The following GDF6 variants were observed in gnomAD, a reference collection of about 807,000 sequenced individuals.
GDF6 encodes growth differentiation factor 6.
Under a neutral mutation model 32.4 loss-of-function variants are expected in GDF6, and 3 were observed. The ratio of observed to expected loss-of-function variants is 0.09; its 90% confidence interval spans 0.04 to 0.24. GDF6 has a LOEUF of 0.24. Among genes scored for constraint, GDF6 ranks in the 10% least tolerant of loss-of-function variants. The pLI is 1.00. For missense variants in GDF6, 589 were observed against 637.9 expected (o/e 0.92, Z 0.83); for synonymous variants, 296 against 295.3 (o/e 1.00, Z -0.03).
At chr8:96,154,962 G>A (rs1488125414) in intron 1 of GDF6, among the ~76,000 whole-genome samples, 2 of 152,176 alleles carry the variant, frequency 1.3e-5, no homozygotes, top group Admixed American at 6.5e-5. Context: ...GGGTCCAGGT[G>A]ACACGCATCC....
chr8:96,153,905 A>G (rs1812613664), intron 1 of GDF6, among the ~76,000 whole-genome samples: 1 of 152,074 alleles, frequency 6.6e-6, no homozygotes, highest in African/African-American at 2.4e-5. Flanking sequence ...GTGTTCATTT[A>G]GGTCTGACTT....
chr8:96,153,444 TC>T, intron 1 of GDF6, among the ~76,000 whole-genome samples: 1 of 152,220 alleles, frequency 6.6e-6, no homozygotes, highest in Non-Finnish European at 1.5e-5. Flanking sequence ...CGCTGAGCCC[TC>T]CCTCCCCATC....
chr8:96,145,401 C>A lies in GDF6; in HGVS notation c.530G>T (p.Trp177Leu). 6.3e-7 allele frequency: 1 copy of A among 1,582,220 alleles called. No individual in the cohort carries two copies. Among genetic ancestry groups the A allele is most frequent in the East Asian group, 2.3e-5 (1 of 44,364 alleles). Residue 177 changes from tryptophan to leucine, a missense_variant, in exon 2 of 2, where the codon TGG (tryptophan) becomes TTG (leucine). Physicochemically the swap from Trp to Leu is moderately conservative, Grantham distance 61. Coordinates refer to ENST00000287020, the MANE Select transcript of GDF6 (RefSeq NM_001001557.4). The surrounding 1 kb of genome is among the most constrained non-coding windows in gnomAD (Gnocchi z 5.6). ...RLFRQAPSAP[W>L]GPPAGPLHVQ... The stretch of plus-strand genomic sequence containing the variant: ...GTGGAGCGGCCCGGCTGGTGGCCCC[C>A]AGGGCGCTGAGGGCGCCTGGCGAAA...
chr8:96,157,399 A>G (rs1264826764), intron 1 of GDF6, among the ~76,000 whole-genome samples: 2 of 152,036 alleles, frequency 1.3e-5, no homozygotes, highest in Non-Finnish European at 2.9e-5. Context: ...TTTCCGGGGT[A>G]AGGAAGGCTT....
chr8:96,154,101 G>A (rs1414628395), intron 1 of GDF6, among the ~76,000 whole-genome samples: 1 of 152,076 alleles, frequency 6.6e-6, no homozygotes, highest in African/African-American at 2.4e-5. Context: ...ATTAAGGGAT[G>A]CCCTCTGCAC....
intron 1 of GDF6, among the ~76,000 whole-genome samples, chr8:96,151,129 A>G (rs897233511): frequency 2.0e-5 from 3 of 152,350 alleles, no homozygotes; most frequent in South Asian, 4.1e-4. Flanking sequence ...ATCCTGAGTC[A>G]GGCCTCTGTT....
chr8:96,144,781 C>T lies in GDF6; in HGVS notation c.1150G>A (p.Glu384Lys), dbSNP rs1812442574. The T allele has an allele frequency of 4.3e-6, 7 of 1,614,136 alleles. No homozygotes were observed. Among genetic ancestry groups the T allele is most frequent in the Non-Finnish European group, 5.9e-6 (7 of 1,180,024 alleles). The change falls in exon 2 of 2, where the codon GAG (glutamate) becomes AAG (lysine). Residue 384 changes from glutamate to lysine, a missense_variant. Physicochemically the swap from Glu to Lys is moderately conservative, Grantham distance 56. Transcript: ENST00000287020. This position sits in a 1 kb window ranked among gnomAD's most constrained non-coding sequence, Gnocchi z 5.1. The stretch of plus-strand genomic sequence containing the variant: ...CGCAGCGGGAAGTCGCATACACCCT[C>T]GCAGTGATAGGCCTCGTACTCCAGG... The part of the protein sequence containing the change: ...APLEYEAYHC[E>K]GVCDFPLRSH...
intron 1 of GDF6, 105 bp downstream of exon 1, chr8:96,160,182 G>A: frequency 8.8e-7 from 1 of 1,130,306 alleles, no homozygotes. Flanking sequence ...AAAAGGAAGT[G>A]TCCAGAGCAG....
In GDF6 at chr8:96,142,680, T is replaced by C. The variant is rs1812392658; in HGVS notation, c.*1883A>G. The stretch of plus-strand genomic sequence containing the variant: ...AATTGCATGCTGTCCATTTCCTCTT[T>C]GCACTTTCAGTCACCTTAAATAAAC... On this transcript the variant is annotated 3_prime_UTR_variant, in exon 2 of 2. Coordinates refer to ENST00000287020, the MANE Select transcript of GDF6 (RefSeq NM_001001557.4). 6.5e-6 allele frequency: 1 copy of C among 152,684 alleles called. No individual in the cohort carries two copies. Among genetic ancestry groups the C allele is most frequent in the Non-Finnish European group, 1.5e-5 (1 of 68,046 alleles). The allele number at this position is 152,684 out of a possible 1,614,324, so 9.5% of individuals were successfully genotyped here.
chr8:96,158,093 G>A (rs894601395), intron 1 of GDF6, among the ~76,000 whole-genome samples: 15 of 152,192 alleles, frequency 9.9e-5, no homozygotes, highest in African/African-American at 3.6e-4. Flanking sequence ...AGGAGACAGC[G>A]CCTTTGAAGA....
At position 96,160,478 on chromosome 8, in the gene GDF6, T is replaced by A. The variant is rs543473222; in HGVS notation, c.215A>T (p.Gln72Leu). The change falls in exon 1 of 2, where the codon CAG becomes CTG. Residue 72 changes from glutamine (Q) to leucine (L), a missense_variant. Transcript: ENST00000287020. ...GGGCTGCTGAGCCCGGGGTTCGTCC[T>A]GAGGCCGCGGCTGTGGTTCCTGGCC... ...REGQEPQPRP[Q>L]DEPRAQQPRA... The A allele has an allele frequency of 3.1e-6, 5 of 1,612,712 alleles. No homozygotes were observed. Among genetic ancestry groups the A allele is most frequent in the Non-Finnish European group, 4.2e-6 (5 of 1,179,354 alleles).
At chr8:96,155,392 A>G (rs1472474993) in intron 1 of GDF6, among the ~76,000 whole-genome samples, 1 of 152,280 alleles carries the variant, frequency 6.6e-6, no homozygotes, top group African/African-American at 2.4e-5. Context: ...TTTAACAGCA[A>G]GTCAGTGCCT....
Position 96,145,529 on chromosome 8 carries a change from G to A in GDF6, c.407-5C>T, listed in dbSNP as rs758091453. On this transcript the variant is annotated splice_region_variant and splice_polypyrimidine_tract_variant and intron_variant, in intron 1 of 1. Coordinates refer to ENST00000287020, the MANE Select transcript of GDF6 (RefSeq NM_001001557.4). The surrounding 1 kb of genome is among the most constrained non-coding windows in gnomAD (Gnocchi z 5.6). ...GAGGAGTGTGCGAGAGATCGTCTGC[G>A]AGATAAAAAATAATTACAGTCAGTT... is the stretch of plus-strand genomic sequence containing the variant. The A allele has an allele frequency of 6.5e-5, 104 of 1,597,664 alleles. No homozygotes were observed. The highest frequency in any genetic ancestry group is 8.6e-5 in the Non-Finnish European group (101 of 1,179,616).
At chr8:96,151,927 T>C (rs1328121060) in intron 1 of GDF6, among the ~76,000 whole-genome samples, 1 of 152,102 alleles carries the variant, frequency 6.6e-6, no homozygotes, top group Admixed American at 6.5e-5. Flanking sequence ...ATTGTAAAGG[T>C]CAGAGTCAAA....
Position 96,144,908 on chromosome 8 carries a change from G to T in GDF6, c.1023C>A (p.Arg341=). 6.2e-7 allele frequency: 1 copy of T among 1,611,308 alleles called. No homozygotes were observed. Among genetic ancestry groups the T allele is most frequent in the Non-Finnish European group, 8.5e-7 (1 of 1,178,996 alleles). ...RRRRRTAFAS[R]HGKRHGKKSR... is the part of the protein sequence containing the mutation. ...ACTTCTTGCCGTGCCGCTTGCCATG[G>T]CGACTGGCGAAGGCCGTGCGCCGCC... Residue 341 remains arginine (R), a synonymous_variant, in exon 2 of 2, where the codon CGC becomes CGA. Transcript: ENST00000287020. This position sits in a 1 kb window ranked among gnomAD's most constrained non-coding sequence, Gnocchi z 5.1.
chr8:96,153,289 G>A (rs1295408035), intron 1 of GDF6, among the ~76,000 whole-genome samples: 1 of 152,276 alleles, frequency 6.6e-6, no homozygotes, highest in Non-Finnish European at 1.5e-5. Context: ...TGAGGGGCCA[G>A]AGAGGCAAAG....
chr8:96,157,256 TA>T (rs1435605846), intron 1 of GDF6, among the ~76,000 whole-genome samples: 2 of 152,062 alleles, frequency 1.3e-5, no homozygotes, highest in Non-Finnish European at 2.9e-5. Context: ...TCCTGGAGGA[TA>T]GGGAGAAGTG....
chr8:96,146,069 C>T (rs1233662228), intron 1 of GDF6, among the ~76,000 whole-genome samples: 1 of 152,132 alleles, frequency 6.6e-6, no homozygotes, highest in Non-Finnish European at 1.5e-5. Context: ...AGTAGTCTGC[C>T]TTTCCCAGTA....
chr8:96,159,789 C>T (rs919813483), intron 1 of GDF6, among the ~76,000 whole-genome samples: 4 of 152,388 alleles, frequency 2.6e-5, no homozygotes, highest in African/African-American at 9.6e-5. Flanking sequence ...CCCGACGCCG[C>T]TCGCGGACTA....
Sources: allele counts gnomAD v4.1 joint callset (sites outside exome capture counted in the v4.1 genomes callset), GRCh38; gene constraint gnomAD v4.1.1; non-coding constraint Gnocchi (gnomAD v3.1); transcripts MANE v1.5; gene names NCBI Gene and HGNC (gene_info 2026-07-23, HGNC 2026-07-21).